The following LINGO2 variants were observed in gnomAD, a reference collection of about 807,000 sequenced individuals.
LINGO2 encodes leucine rich repeat and Ig domain containing 2.
Under a neutral mutation model 30.6 loss-of-function variants are expected in LINGO2, and 14 were observed. The observed-to-expected ratio is 0.46, with a 90% confidence interval of 0.30 to 0.72. The LOEUF (loss-of-function observed/expected upper bound fraction) is 0.72, where lower values mean the gene tolerates loss of function less well. Ranked by LOEUF, LINGO2 falls within the 30% of genes least tolerant of loss-of-function variation. LINGO2 has a pLI of 0.07. For synonymous variants in LINGO2, 317 were observed against 288.5 expected, an observed-to-expected ratio of 1.10 and a Z score of -1.00; for missense variants, 729 against 751.7, an observed-to-expected ratio of 0.97 and a Z score of 0.35.
At chr9:28,841,340 C>T in the LINGO2 span, among the ~76,000 whole-genome samples, 1 of 151,742 alleles carries the variant, frequency 6.6e-6, no homozygotes, top group Admixed American at 6.6e-5. Flanking sequence ...CCTGATTTAA[C>T]AGTGTGTCAC....
chr9:28,632,681 A>AGATCTATATAT (rs1563878376), intron 1 of LINGO2, among the ~76,000 whole-genome samples: 1,050 of 94,704 alleles, frequency 0.011, 14 homozygotes, highest in South Asian at 0.022. Context: ...TATCTATATA[A>AGATCTATATAT]AAATATATTT....
At chr9:29,116,680 GA>G in the LINGO2 span, among the ~76,000 whole-genome samples, 232 of 134,538 alleles carry the variant, frequency 1.7e-3, no homozygotes, top group African/African-American at 3.5e-3. Context: ...TAATGTTCAA[GA>G]AAAAAAAAAA....
At chr9:28,354,189 T>C (rs1344979087) in intron 3 of LINGO2, among the ~76,000 whole-genome samples, 2 of 152,196 alleles carry the variant, frequency 1.3e-5, no homozygotes, top group Non-Finnish European at 2.9e-5. Flanking sequence ...TGAGTTCTGA[T>C]TAAAATTGTT....
intron 2 of LINGO2, among the ~76,000 whole-genome samples, chr9:28,376,577 T>C (rs1442479646): frequency 6.6e-6 from 1 of 152,206 alleles, no homozygotes; most frequent in Non-Finnish European, 1.5e-5. Context: ...CCGAGGGAAC[T>C]GCCTTGACCA....
At chr9:28,744,680 A>T in the LINGO2 span, among the ~76,000 whole-genome samples, 1 of 133,522 alleles carries the variant, frequency 7.5e-6, no homozygotes, top group Non-Finnish European at 1.5e-5. Flanking sequence ...ACTGTCGCTG[A>T]GGCTGGAGTG....
At chr9:28,844,081 G>A in the LINGO2 span, among the ~76,000 whole-genome samples, 3 of 151,824 alleles carry the variant, frequency 2.0e-5, no homozygotes, top group Admixed American at 6.6e-5. Context: ...GACAGGAAAC[G>A]TCGGGCACAG....
chr9:28,554,269 A>G (rs1479654449), intron 1 of LINGO2, among the ~76,000 whole-genome samples: 21 of 151,342 alleles, frequency 1.4e-4, no homozygotes, highest in Admixed American at 9.2e-4. Flanking sequence ...ACGTGCAGAG[A>G]CACACATAGG....
intron 2 of LINGO2, among the ~76,000 whole-genome samples, chr9:28,461,823 G>T (rs1488060806): frequency 6.6e-6 from 1 of 152,132 alleles, no homozygotes; most frequent in Non-Finnish European, 1.5e-5. Context: ...AAAAGTAATT[G>T]TTGTGCAGTC....
At chr9:28,748,475 C>A in the LINGO2 span, among the ~76,000 whole-genome samples, 8 of 152,080 alleles carry the variant, frequency 5.3e-5, no homozygotes, top group African/African-American at 1.4e-4. Context: ...AAACAACTAA[C>A]CATTGTTACA....
At chr9:28,249,424 A>G (rs565118242) in intron 4 of LINGO2, among the ~76,000 whole-genome samples, 1 of 152,284 alleles carries the variant, frequency 6.6e-6, no homozygotes, top group South Asian at 2.1e-4. Flanking sequence ...AAATGTGTTT[A>G]ATGTGCTTAT....
chr9:28,232,216 T>G (rs556655090), intron 4 of LINGO2, among the ~76,000 whole-genome samples: 5 of 152,088 alleles, frequency 3.3e-5, no homozygotes, highest in African/African-American at 1.2e-4. Context: ...CTGGCCATCA[T>G]GATGAAACCT....
At chr9:27,969,164 TA>T (rs1176225372) in intron 5 of LINGO2, among the ~76,000 whole-genome samples, 1 of 152,036 alleles carries the variant, frequency 6.6e-6, no homozygotes, top group Non-Finnish European at 1.5e-5. Flanking sequence ...AGATAGAGTA[TA>T]AAACAGCTTA....
intron 4 of LINGO2, among the ~76,000 whole-genome samples, chr9:28,186,142 C>T (rs1192069296): frequency 1.3e-5 from 2 of 152,086 alleles, no homozygotes; most frequent in Non-Finnish European, 2.9e-5. Flanking sequence ...CATGTCCTTG[C>T]CTTTTGGTAC....
At chr9:28,988,803 G>C in the LINGO2 span, among the ~76,000 whole-genome samples, 1 of 152,182 alleles carries the variant, frequency 6.6e-6, no homozygotes, top group Non-Finnish European at 1.5e-5. Flanking sequence ...TGGGACTGGT[G>C]GCACAGTTGA....
At chr9:28,760,419 G>C in the LINGO2 span, among the ~76,000 whole-genome samples, 1 of 151,936 alleles carries the variant, frequency 6.6e-6, no homozygotes, top group African/African-American at 2.4e-5. Context: ...GTCTGAGAAA[G>C]GGAAACAAGA....
chr9:28,498,620 CT>C lies in LINGO2; in HGVS notation c.-364-22596del, dbSNP rs369961397. ...TTGCGCTTCCCGGGTAAGGCTATGC[CT>C]CGTCCTGCTTCCGCTCACACTCGGT... On this transcript the variant is annotated intron_variant, in intron 1 of 5. Transcript: ENST00000379992. Among the ~76,000 whole-genome samples the C allele has an allele frequency of 7.2e-4, 110 of 152,284 alleles. 1 individual carries two copies. Among genetic ancestry groups the C allele is most frequent in the African/African-American group, 2.6e-3 (109 of 41,564 alleles).
At chr9:28,173,596 A>T (rs1439957334) in intron 4 of LINGO2, among the ~76,000 whole-genome samples, 1 of 152,226 alleles carries the variant, frequency 6.6e-6, no homozygotes, top group Non-Finnish European at 1.5e-5. Flanking sequence ...GGATAGGATC[A>T]TTGCCATTTG....
Position 28,610,586 on chromosome 9 carries a change from C to A in LINGO2, c.-365+59614G>T, listed in dbSNP as rs73644086. 8.9e-3 allele frequency among the ~76,000 whole-genome samples: 1,357 copies of A among 152,244 alleles called. 20 individuals carry two copies. Among genetic ancestry groups the A allele is most frequent in the African/African-American group, 0.029 (1,191 of 41,526 alleles). Reference sequence around the variant, plus strand: ...TTCCTTCCACTACCTGTGAACACAGCATTCAAGGTTTCATCGTGAAAGCAG... The same window carrying A: ...TTCCTTCCACTACCTGTGAACACAGAATTCAAGGTTTCATCGTGAAAGCAG... On this transcript the variant is annotated intron_variant, in intron 1 of 5. Coordinates refer to ENST00000379992, the Ensembl canonical transcript of LINGO2.
chr9:28,988,562 T>A, the LINGO2 span, among the ~76,000 whole-genome samples: 13 of 152,136 alleles, frequency 8.5e-5, no homozygotes, highest in African/African-American at 3.1e-4. Flanking sequence ...GCTGTAATAC[T>A]GACATTTTGT....
Sources: allele counts gnomAD v4.1 joint callset (sites outside exome capture counted in the v4.1 genomes callset), GRCh38; gene constraint gnomAD v4.1.1; transcripts MANE v1.5; gene names NCBI Gene and HGNC (gene_info 2026-07-23, HGNC 2026-07-21).